The following CA2 variants were observed in gnomAD, a reference collection of about 807,000 sequenced individuals.
CA2 encodes the protein carbonate dehydratase II.
CA2 carries 23 observed loss-of-function variants against 27.8 expected under a neutral mutation model. The observed-to-expected ratio is 0.83, with a 90% CI of 0.59 to 1.17. CA2 has a LOEUF of 1.17. CA2 is among the 50% of genes most tolerant of loss of function. The pLI is 0.00. For missense variants in CA2, 300 were observed against 314.7 expected (o/e 0.95, Z 0.35); for synonymous variants, 99 against 114.9 (o/e 0.86, Z 0.88).
At chr8:85,476,980 C>T (rs1306377418) in intron 5 of CA2, 140 bp from the exon 6 acceptor site, 7 of 742,128 alleles carry the variant, frequency 9.4e-6, no homozygotes, top group Non-Finnish European at 1.2e-5. Context: ...ATTTTGTTTG[C>T]CAGTGAATAT....
chr8:85,474,400 T>C lies in CA2; in HGVS notation c.428T>C (p.Leu143Pro). 1 of 1,613,606 alleles carries C rather than the reference T, an allele frequency of 6.2e-7. No individual in the cohort carries two copies. The highest frequency in any genetic ancestry group is 1.1e-5 in the South Asian group (1 of 91,070). ...AVQQPDGLAV[L>P]GIFLKVGSAK... ...CAGCAACCTGATGGACTGGCCGTTCTAGGTATTTTTTTGAAGGTTAGTTGA... is the reference window on the plus strand; with the variant it reads ...CAGCAACCTGATGGACTGGCCGTTCCAGGTATTTTTTTGAAGGTTAGTTGA... Residue 143 changes from leucine to proline, a missense_variant, in exon 4 of 7, where the codon CTA becomes CCA. Transcript: ENST00000285379.
In CA2 at chr8:85,480,445, G is replaced by GTTT. The variant is rs34086448; in HGVS notation, c.664-216_664-214dup. ...TTAATTTTTGTGTGTGTGTGTGTGT[G>GTTT]TTTTTTTTTTTGTAGAGACAGGGTT... On this transcript the variant is annotated intron_variant, in intron 6 of 6. Coordinates refer to ENST00000285379, the MANE Select transcript of CA2 (RefSeq NM_000067.3). Among the ~76,000 whole-genome samples, 1,311 of 144,510 alleles carry GTTT rather than the reference G, an allele frequency of 9.1e-3. 19 individuals are homozygous for GTTT. Among genetic ancestry groups the GTTT allele is most frequent in the African/African-American group, 0.032 (1,233 of 38,702 alleles). 94.8% of individuals were successfully genotyped at this position (144,510 alleles called of 152,430 possible). A position where few individuals can be genotyped will look rare whatever the true frequency, so the allele number is the denominator to read the frequency against.
intron 4 of CA2, 74 bp downstream of exon 4, chr8:85,474,490 C>A: frequency 1.8e-6 from 2 of 1,099,438 alleles, no homozygotes; most frequent in Non-Finnish European, 2.8e-6. Flanking sequence ...TTGTAACATA[C>A]AGGACATTCT....
chr8:85,480,869 T>C lies in CA2; in HGVS notation c.*80T>C. ...TAAGCACAGATCTACCTTGGTGATTTGGACCCTGGTTGCTTTGTGTCTAGT... is the reference window on the plus strand; with the variant it reads ...TAAGCACAGATCTACCTTGGTGATTCGGACCCTGGTTGCTTTGTGTCTAGT... On this transcript the variant is annotated 3_prime_UTR_variant, in exon 7 of 7. Coordinates refer to ENST00000285379, the MANE Select transcript of CA2 (RefSeq NM_000067.3). 1 of 1,492,510 alleles carries C rather than the reference T, an allele frequency of 6.7e-7. No homozygotes were observed. Among genetic ancestry groups the C allele is most frequent in the Non-Finnish European group, 9.3e-7 (1 of 1,074,858 alleles). 92.5% of individuals were successfully genotyped at this position (1,492,510 alleles called of 1,614,324 possible).
chr8:85,480,929 A>C lies in CA2; in HGVS notation c.*140A>C, dbSNP rs1169389824. On this transcript the variant is annotated 3_prime_UTR_variant, in exon 7 of 7. Transcript: ENST00000285379. ...CCTTCATCTCTTACTTGATAGACTT[A>C]CTAATAAAATGTGAAGACTAGACCA... 5 of 840,206 alleles carry C rather than the reference A, an allele frequency of 6.0e-6. No homozygotes were observed. The highest frequency in any genetic ancestry group is 9.7e-6 in the Non-Finnish European group (5 of 515,438). The allele number at this position is 840,206 out of a possible 1,614,324, so 52.0% of individuals were successfully genotyped here.
chr8:85,467,540 C>T (rs1437190513), intron 2 of CA2, among the ~76,000 whole-genome samples: 1 of 152,160 alleles, frequency 6.6e-6, no homozygotes, highest in Non-Finnish European at 1.5e-5. Context: ...AGATGTTGCA[C>T]CTGCGATAAG....
At chr8:85,465,554 A>G (rs1292718504) in intron 2 of CA2, 85 bp downstream of exon 2, 2 of 1,061,316 alleles carry the variant, frequency 1.9e-6, no homozygotes, top group South Asian at 1.4e-5. Flanking sequence ...AGTGGCAGGA[A>G]CCCTCTTAAT....
rs1485994749 is a variant in CA2 at position 85,465,419 on chromosome 8, A to G, written c.182A>G (p.Asn61Ser). The G allele has an allele frequency of 4.3e-6, 7 of 1,614,114 alleles. No individual in the cohort carries two copies. Among genetic ancestry groups the G allele is most frequent in the Non-Finnish European group, 5.1e-6 (6 of 1,180,056 alleles). Reference sequence around the variant, plus strand: ...CAAGCAACTTCCCTGAGGATCCTCAACAATGGTCATGCTTTCAACGTGGAG... The same window carrying G: ...CAAGCAACTTCCCTGAGGATCCTCAGCAATGGTCATGCTTTCAACGTGGAG... ...YDQATSLRIL[N>S]NGHAFNVEFD... Residue 61 changes from asparagine to serine, a missense_variant, in exon 2 of 7, where the codon AAC (asparagine) becomes AGC (serine). Around this residue, in one of 3 missense-constraint regions of CA2, gnomAD observed 122 missense variants for 133.2 expected, o/e 0.92. Coordinates refer to ENST00000285379, the MANE Select transcript of CA2 (RefSeq NM_000067.3).
chr8:85,477,295 G>T lies in CA2; in HGVS notation c.663+20G>T. ...GAGCAGGTTTGTTTTGTAATGACAGGTCTGTTTACGGGTGGAGCATTTAGT... is the reference window on the plus strand; with the variant it reads ...GAGCAGGTTTGTTTTGTAATGACAGTTCTGTTTACGGGTGGAGCATTTAGT... On this transcript the variant is annotated intron_variant, in intron 6 of 6. Coordinates refer to ENST00000285379, the MANE Select transcript of CA2 (RefSeq NM_000067.3). 1 of 1,613,946 alleles carries T rather than the reference G, an allele frequency of 6.2e-7. No homozygotes were observed. The highest frequency in any genetic ancestry group is 1.1e-5 in the South Asian group (1 of 91,072).
intron 2 of CA2, among the ~76,000 whole-genome samples, chr8:85,469,147 T>TA (rs1467361403): frequency 6.6e-6 from 1 of 152,222 alleles, no homozygotes; most frequent in Non-Finnish European, 1.5e-5. Context: ...CACTTAATTT[T>TA]AAAAAATCGG....
chr8:85,467,469 A>C (rs1811647150), intron 2 of CA2, among the ~76,000 whole-genome samples: 1 of 152,232 alleles, frequency 6.6e-6, no homozygotes, highest in African/African-American at 2.4e-5. Context: ...TTGCTCAATA[A>C]ATGGCCTCTG....
At chr8:85,473,612 T>G (rs1811741223) in intron 2 of CA2, 81 bp from the exon 3 acceptor site, 1 of 734,510 alleles carries the variant, frequency 1.4e-6, no homozygotes, top group African/African-American at 1.7e-5. Flanking sequence ...TGTGTGTGTA[T>G]GTATGTGTGT....
rs1477665332 is a variant in CA2, at chr8:85,464,169, C to T, written c.34+54C>T. 8 of 1,483,628 alleles carry T rather than the reference C, an allele frequency of 5.4e-6. No homozygotes were observed. In the African/African-American group the frequency reaches 7.3e-5, roughly 13 times the overall value. The allele number at this position is 1,483,628 out of a possible 1,614,324, so 91.9% of individuals were successfully genotyped here. On this transcript the variant is annotated intron_variant, in intron 1 of 6. Transcript: ENST00000285379. ...GCGCCCCGATCCCCGATCCCCGATC[C>T]CCGATCCCCGAGCCCGGATGCCGGC... is the stretch of plus-strand genomic sequence containing the variant.
At chr8:85,471,567 CTTCACTGGGGGGAAAGAAGATACA>C (rs1811713313) in intron 2 of CA2, among the ~76,000 whole-genome samples, 1 of 152,032 alleles carries the variant, frequency 6.6e-6, no homozygotes, top group Non-Finnish European at 1.5e-5. Context: ...TGCTATGATT[CTTCACTGGGGGGAAAGAAGATACA>C]TTTAGAAAAT....
In CA2 at chr8:85,474,318, C is replaced by A; in HGVS notation, c.352-6C>A. Reference sequence around the variant, plus strand: ...ACTCACTGTGGCTTTGTCTCTTCGGCCTTAGCTTCACTTGGTTCACTGGAA... The same window carrying A: ...ACTCACTGTGGCTTTGTCTCTTCGGACTTAGCTTCACTTGGTTCACTGGAA... On this transcript the variant is annotated splice_region_variant and splice_polypyrimidine_tract_variant and intron_variant, in intron 3 of 6. Coordinates refer to ENST00000285379, the MANE Select transcript of CA2 (RefSeq NM_000067.3). 1 of 1,611,052 alleles carries A rather than the reference C, an allele frequency of 6.2e-7. No homozygotes were observed. Among genetic ancestry groups the A allele is most frequent in the Non-Finnish European group, 8.5e-7 (1 of 1,177,220 alleles).
intron 2 of CA2, among the ~76,000 whole-genome samples, chr8:85,470,883 T>C (rs1811704898): frequency 6.6e-6 from 1 of 152,052 alleles, no homozygotes; most frequent in Non-Finnish European, 1.5e-5. Context: ...AACCCATTTC[T>C]GGGGTACAAT....
chr8:85,470,538 G>C (rs1811699342), intron 2 of CA2, among the ~76,000 whole-genome samples: 1 of 152,080 alleles, frequency 6.6e-6, no homozygotes, highest in Non-Finnish European at 1.5e-5. Context: ...TAGTTTAAGT[G>C]ATTAGGGAGA....
In CA2 at chr8:85,481,032, A is replaced by G; in HGVS notation, c.*243A>G. The stretch of plus-strand genomic sequence containing the variant: ...GTAGTTTTTCTGTAACACAGAATAT[A>G]GGATAAGAAATAAGAATAAAGTACC... On this transcript the variant is annotated 3_prime_UTR_variant, in exon 7 of 7. Coordinates refer to ENST00000285379, the MANE Select transcript of CA2 (RefSeq NM_000067.3). The G allele has an allele frequency of 2.1e-6, 1 of 483,536 alleles. No homozygotes were observed. 30.0% of individuals were successfully genotyped at this position (483,536 alleles called of 1,614,324 possible). A position where few individuals can be genotyped will look rare whatever the true frequency, so the allele number is the denominator to read the frequency against.
At chr8:85,464,193 G>T in intron 1 of CA2, 78 bp downstream of exon 1, 1 of 1,343,294 alleles carries the variant, frequency 7.4e-7, no homozygotes. Flanking sequence ...CCGGATGCCG[G>T]CCCGGGGCCC....
Sources: allele counts gnomAD v4.1 joint callset (sites outside exome capture counted in the v4.1 genomes callset), GRCh38; gene constraint gnomAD v4.1.1; regional missense constraint gnomAD v4.1.1; transcripts MANE v1.5; gene names NCBI Gene and HGNC (gene_info 2026-07-23, HGNC 2026-07-21).